The following ZNF354B variants were observed in gnomAD, a reference collection of about 807,000 sequenced individuals.
The protein encoded by ZNF354B is zinc finger protein 354B.
A neutral mutation model predicts 12.9 loss-of-function variants in ZNF354B; 10 were observed. The ratio of observed to expected loss-of-function variants is 0.77; its 90% CI spans 0.48 to 1.31. ZNF354B has a LOEUF of 1.31. ZNF354B is among the 40% of genes most tolerant of loss of function. The pLI is 0.00. For missense variants in ZNF354B, 614 were observed against 711.7 expected (o/e 0.86, Z 1.56); for synonymous variants, 260 against 243.7 (o/e 1.07, Z -0.62).
In ZNF354B at chr5:178,861,021, T is replaced by A; in HGVS notation, c.-27T>A. On this transcript the variant is annotated 5_prime_UTR_variant, in exon 2 of 5. Transcript: ENST00000322434. ...GATCTGCCTTCTGGAGACTGCGCCG[T>A]CCTCCCGGGAGAGCCAGAAAGAGGA... The A allele has an allele frequency of 1.0e-6, 1 of 990,354 alleles. No homozygotes were observed. 61.3% of individuals were successfully genotyped at this position (990,354 alleles called of 1,614,324 possible). A position where few individuals can be genotyped will look rare whatever the true frequency, so the allele number is the denominator to read the frequency against.
intron 2 of ZNF354B, among the ~76,000 whole-genome samples, chr5:178,861,364 C>A (rs1368030245): frequency 1.3e-5 from 2 of 152,112 alleles, no homozygotes; most frequent in African/African-American, 4.8e-5. Context: ...CAAACGTACA[C>A]ACGTGGGAAA....
At chr5:178,866,544 A>T (rs1463024720) in intron 3 of ZNF354B, among the ~76,000 whole-genome samples, 174 bp downstream of exon 3, 1 of 152,166 alleles carries the variant, frequency 6.6e-6, no homozygotes, top group Admixed American at 6.5e-5. Context: ...TAAGTATGGA[A>T]TTGCTCTATG....
intron 4 of ZNF354B, among the ~76,000 whole-genome samples, chr5:178,880,348 C>T (rs142663161): frequency 2.8e-3 from 415 of 149,814 alleles, no homozygotes; most frequent in African/African-American, 9.6e-3. Context: ...TGTAGGGGCA[C>T]GCCACCACAC....
chr5:178,867,018 AAGG>A lies in ZNF354B; in HGVS notation c.206_208del (p.Gly69del), dbSNP rs764312499. On this transcript the variant is annotated inframe_deletion, in exon 4 of 5. Transcript: ENST00000322434. ...CCAAAAGTCATCTCCCTGTTGCAGC[AAGG>A]AGAAGATCCCTGGGAGGTGGAGAAA... 206 of 1,613,916 alleles carry A rather than the reference AAGG, an allele frequency of 1.3e-4. No individual in the cohort carries two copies. The highest frequency in any genetic ancestry group is 1.6e-4 in the Non-Finnish European group (194 of 1,179,974).
rs981287969 is a variant in ZNF354B, at chr5:178,860,853, G to C, written c.-51-144G>C. 66 of 478,242 alleles carry C rather than the reference G, an allele frequency of 1.4e-4. 1 individual carries two copies. In the East Asian group the frequency reaches 1.4e-3, roughly 10 times the overall value. The allele number at this position is 478,242 out of a possible 1,614,324, so 29.6% of individuals were successfully genotyped here. A position where few individuals can be genotyped will look rare whatever the true frequency, so the allele number is the denominator to read the frequency against. The stretch of plus-strand genomic sequence containing the variant: ...GGGCCTGGCCGGGCGGCCCAGCGCT[G>C]CTCTGGTCCGCGGGCTCCTGGCTCC... On this transcript the variant is annotated intron_variant, in intron 1 of 4. Transcript: ENST00000322434.
At chr5:178,876,730 T>C (rs1757643340) in intron 4 of ZNF354B, among the ~76,000 whole-genome samples, 1 of 152,190 alleles carries the variant, frequency 6.6e-6, no homozygotes, top group African/African-American at 2.4e-5. Flanking sequence ...GAATTTCCTC[T>C]TGGTTTCTTT....
In ZNF354B at chr5:178,882,609, T is replaced by C. The variant is rs997912837; in HGVS notation, c.257-100T>C. 4.8e-6 allele frequency: 6 copies of C among 1,245,894 alleles called. No homozygotes were observed. In the East Asian group the frequency reaches 1.0e-4, roughly 21 times the overall value. 77.2% of individuals were successfully genotyped at this position (1,245,894 alleles called of 1,614,324 possible). A position where few individuals can be genotyped will look rare whatever the true frequency, so the allele number is the denominator to read the frequency against. ...AGAATTTTATCCTCTTTTAGTCATA[T>C]AGCAAACCCTTACTGAGATACAATT... is the stretch of plus-strand genomic sequence containing the variant. On this transcript the variant is annotated intron_variant, in intron 4 of 4. Coordinates refer to ENST00000322434, the MANE Select transcript of ZNF354B (RefSeq NM_058230.3).
At position 178,883,048 on chromosome 5, in the gene ZNF354B, CA is replaced by C; in HGVS notation, c.599del (p.Asn200IlefsTer49). On this transcript the variant is annotated frameshift_variant, in exon 5 of 5. Transcript: ENST00000322434. LOFTEE classifies it low-confidence loss of function (END_TRUNC). The stretch of plus-strand genomic sequence containing the variant: ...CAAAGAAATAGTTTCAAGCAGAATT[CA>C]AATTTACTTAACCAATCAAAAATCA... ...EIQRNSFKQNSNLLNQSKIKT... is the reference protein window; with the variant it reads ...EIQRNSFKQNXNLLNQSKIKT... 5 of 1,605,470 alleles carry C rather than the reference CA, an allele frequency of 3.1e-6. No homozygotes were observed. Among genetic ancestry groups the C allele is most frequent in the Non-Finnish European group, 4.2e-6 (5 of 1,177,988 alleles).
intron 4 of ZNF354B, among the ~76,000 whole-genome samples, chr5:178,879,718 C>T (rs6863202): frequency 0.15 from 22,580 of 152,122 alleles, 2,062 homozygotes; most frequent in African/African-American, 0.25. Context: ...TCTTAGTAGG[C>T]ATGGGCTATA....
intron 4 of ZNF354B, among the ~76,000 whole-genome samples, chr5:178,867,700 C>T (rs544250502): frequency 1.1e-4 from 17 of 152,056 alleles, no homozygotes; most frequent in Non-Finnish European, 1.5e-4. Context: ...ATTGTTGGGA[C>T]GCCACCATTT....
intron 4 of ZNF354B, among the ~76,000 whole-genome samples, chr5:178,872,606 G>A (rs1278859597): frequency 6.6e-6 from 1 of 152,140 alleles, no homozygotes; most frequent in Non-Finnish European, 1.5e-5. Context: ...TTCACCAGTA[G>A]CATGTGAATG....
intron 4 of ZNF354B, among the ~76,000 whole-genome samples, chr5:178,871,361 T>C (rs756546030): frequency 6.6e-6 from 1 of 152,220 alleles, no homozygotes; most frequent in East Asian, 1.9e-4. Flanking sequence ...GTGGCAGTCA[T>C]GCGTCCATGT....
chr5:178,882,183 C>G (rs1272235000), intron 4 of ZNF354B, among the ~76,000 whole-genome samples: 1 of 152,154 alleles, frequency 6.6e-6, no homozygotes, highest in Non-Finnish European at 1.5e-5. Flanking sequence ...TTCTCAGCAT[C>G]TCTAGATGTG....
Position 178,883,761 on chromosome 5 carries a change from T to C in ZNF354B, c.1309T>C (p.Leu437=). 4.3e-6 allele frequency: 7 copies of C among 1,614,062 alleles called. No individual in the cohort carries two copies. The highest frequency in any genetic ancestry group is 2.2e-5 in the South Asian group (2 of 91,072). The change falls in exon 5 of 5, where the codon TTG becomes CTG. Residue 437 remains leucine, a synonymous_variant. Coordinates refer to ENST00000322434, the MANE Select transcript of ZNF354B (RefSeq NM_058230.3). ...CCGAATAATTCATACTGGAGAGAAA[T>C]TGTATAATTGTAATGAATGTGGTAA... ...RHRIIHTGEK[L]YNCNECGKAL... is the part of the protein sequence containing the mutation.
chr5:178,864,573 C>T (rs1452797526), intron 2 of ZNF354B, among the ~76,000 whole-genome samples: 1 of 152,052 alleles, frequency 6.6e-6, no homozygotes, highest in East Asian at 1.9e-4. Context: ...TGGAGATAAT[C>T]ACTGTCATTC....
At chr5:178,880,699 T>C (rs1162847756) in intron 4 of ZNF354B, among the ~76,000 whole-genome samples, 1 of 151,832 alleles carries the variant, frequency 6.6e-6, no homozygotes, top group Non-Finnish European at 1.5e-5. Context: ...CTTACTGTAT[T>C]GCCCAGGCTG....
intron 4 of ZNF354B, among the ~76,000 whole-genome samples, chr5:178,882,034 A>G (rs1283612486): frequency 6.6e-6 from 1 of 152,178 alleles, no homozygotes; most frequent in Non-Finnish European, 1.5e-5. Context: ...TCAGCATAGC[A>G]GAAATAGCTC....
chr5:178,871,752 A>T (rs989666190), intron 4 of ZNF354B, among the ~76,000 whole-genome samples: 4 of 152,202 alleles, frequency 2.6e-5, no homozygotes, highest in African/African-American at 9.7e-5. Flanking sequence ...GATGTGGAAG[A>T]TAAACGAGAT....
chr5:178,875,146 C>T (rs1379896521), intron 4 of ZNF354B, among the ~76,000 whole-genome samples: 3 of 152,156 alleles, frequency 2.0e-5, no homozygotes, highest in Non-Finnish European at 4.4e-5. Context: ...AATGTGGGCT[C>T]CTCTCCCACT....
Sources: allele counts gnomAD v4.1 joint callset (sites outside exome capture counted in the v4.1 genomes callset), GRCh38; gene constraint gnomAD v4.1.1; transcripts MANE v1.5; gene names NCBI Gene and HGNC (gene_info 2026-07-23, HGNC 2026-07-21).